Variants in GGA2 observed in about 807,000 individuals in gnomAD.
GGA2 encodes the protein golgi associated, gamma adaptin ear containing, ARF binding protein 2.
In GGA2, 48 loss-of-function variants were observed where a neutral mutation model predicts 79.5. That is an observed-to-expected ratio of 0.60 (90% CI 0.48 to 0.77). GGA2 has a LOEUF of 0.77. GGA2 is among the 30% of genes least tolerant of loss of function. The pLI is 0.00. For missense variants in GGA2, 770 were observed against 774.0 expected (o/e 0.99, Z 0.06); for synonymous variants, 317 against 302.0 (o/e 1.05, Z -0.51).
intron 1 of GGA2, among the ~76,000 whole-genome samples, chr16:23,504,667 T>C (rs1964955403): frequency 6.6e-6 from 1 of 152,178 alleles, no homozygotes; most frequent in East Asian, 1.9e-4. Context: ...TTGACACCAA[T>C]CTGCTCCAAG....
chr16:23,480,494 G>A, intron 10 of GGA2, 151 bp downstream of exon 10: 1 of 646,088 alleles, frequency 1.5e-6, no homozygotes, highest in Non-Finnish European at 2.6e-6. Flanking sequence ...GGCTGGGTGT[G>A]GCAACATATC....
Position 23,476,986 on chromosome 16 carries a change from C to T in GGA2, c.1292+1382G>A, listed in dbSNP as rs1327618777. 2.6e-5 allele frequency among the ~76,000 whole-genome samples: 4 copies of T among 152,208 alleles called. No homozygotes were observed. The South Asian group carries it at 8.3e-4, about 32-fold the overall frequency. On this transcript the variant is annotated intron_variant, in intron 13 of 16. Coordinates refer to ENST00000309859, the MANE Select transcript of GGA2 (RefSeq NM_015044.4). ...ACTTTTTTTGAGACAGGGTCTCACTCTGCTGCCCAGGCTGGAATGCAGTGG... is the reference window on the plus strand; with the variant it reads ...ACTTTTTTTGAGACAGGGTCTCACTTTGCTGCCCAGGCTGGAATGCAGTGG...
rs1371269472 is a variant in GGA2, at chr16:23,488,599, T to C, written c.579+7A>G. ...TGATCAGACACCATGTAGGTCTGTTTCCTTACCTTGGACTTTTCTTCATCA... is the reference window on the plus strand; with the variant it reads ...TGATCAGACACCATGTAGGTCTGTTCCCTTACCTTGGACTTTTCTTCATCA... On this transcript the variant is annotated splice_region_variant and intron_variant, in intron 6 of 16. Transcript: ENST00000309859. 1 of 1,519,282 alleles carries C rather than the reference T, an allele frequency of 6.6e-7. No individual in the cohort carries two copies. The highest frequency in any genetic ancestry group is 2.2e-5 in the East Asian group (1 of 44,450). 94.1% of individuals were successfully genotyped at this position (1,519,282 alleles called of 1,614,324 possible). A position where few individuals can be genotyped will look rare whatever the true frequency, so the allele number is the denominator to read the frequency against.
At chr16:23,491,166 G>A (rs1276371324) in intron 5 of GGA2, among the ~76,000 whole-genome samples, 1 of 151,876 alleles carries the variant, frequency 6.6e-6, no homozygotes, top group Admixed American at 6.6e-5. Context: ...AATTAGTTGG[G>A]TATGGTGGCA....
chr16:23,492,336 C>G (rs1467227370), intron 4 of GGA2, among the ~76,000 whole-genome samples: 5 of 152,308 alleles, frequency 3.3e-5, no homozygotes, highest in East Asian at 3.9e-4. Flanking sequence ...CACATCCCCC[C>G]ACCTGTGGAG....
chr16:23,483,663 T>C (rs1183664159), intron 8 of GGA2, among the ~76,000 whole-genome samples: 1 of 151,994 alleles, frequency 6.6e-6, no homozygotes, highest in Non-Finnish European at 1.5e-5. Context: ...GGTTTTTTTT[T>C]GAGACAGAGT....
At chr16:23,500,142 T>C (rs1429182086) in intron 1 of GGA2, among the ~76,000 whole-genome samples, 2 of 152,218 alleles carry the variant, frequency 1.3e-5, no homozygotes, top group East Asian at 1.9e-4. Context: ...AAGGGACCCT[T>C]GTAGACAAGG....
At chr16:23,478,733 T>C (rs912553487) in intron 12 of GGA2, 150 bp downstream of exon 12, 2 of 747,656 alleles carry the variant, frequency 2.7e-6, no homozygotes, top group African/African-American at 1.7e-5. Flanking sequence ...CCAGACAGTA[T>C]GGGTGAGGAA....
chr16:23,516,862 G>C (rs1965106331), intron 2 of GGA2, among the ~76,000 whole-genome samples: 1 of 152,136 alleles, frequency 6.6e-6, no homozygotes. Context: ...GACAGCCATA[G>C]AAAGCCACCC....
In GGA2 at chr16:23,486,777, A is replaced by T. The variant is rs1964719026; in HGVS notation, c.593T>A (p.Leu198His). 6.2e-7 allele frequency: 1 copy of T among 1,607,328 alleles called. No homozygotes were observed. The highest frequency in any genetic ancestry group is 1.7e-5 in the Admixed American group (1 of 59,986). The change falls in exon 7 of 17, where the codon CTT becomes CAT. Residue 198 changes from leucine (L) to histidine (H), a missense_variant. By Grantham distance (99) the Leu-to-His change is moderately conservative. Transcript: ENST00000309859. ...DEEKSKLLTR[L>H]LKSNHPEDLQ... is the part of the protein sequence containing the mutation. ...GTCCTCGGGGTGGTTGCTCTTTAGA[A>T]GCCTTGTCAGAAGCTGCAGAGAGTG...
rs1045600391 is a variant in GGA2, at chr16:23,467,335, G to A, written c.*255C>T. ...AGATGATGATGATGAGAAATGCTTC[G>A]CATTTCCCACACTGCCGATATCCCA... is the stretch of plus-strand genomic sequence containing the variant. On this transcript the variant is annotated 3_prime_UTR_variant, in exon 17 of 17. Transcript: ENST00000309859. 2.6e-5 allele frequency: 11 copies of A among 426,626 alleles called. No individual in the cohort carries two copies. Among genetic ancestry groups the A allele is most frequent in the Middle Eastern group, 1.2e-3 (2 of 1,614 alleles). The allele number at this position is 426,626 out of a possible 1,614,324, so 26.4% of individuals were successfully genotyped here.
Position 23,470,177 on chromosome 16 carries a change from G to A in GGA2, c.1451-12C>T. On this transcript the variant is annotated splice_polypyrimidine_tract_variant and intron_variant, in intron 14 of 16. Coordinates refer to ENST00000309859, the MANE Select transcript of GGA2 (RefSeq NM_015044.4). ...AGGCGGCAGGCTGCCTGGTATAAAG[G>A]GCACAAGCAGAAGGTTTAACACCAC... 1 of 1,577,052 alleles carries A rather than the reference G, an allele frequency of 6.3e-7. No individual in the cohort carries two copies. The highest frequency in any genetic ancestry group is 8.6e-7 in the Non-Finnish European group (1 of 1,162,284).
At chr16:23,471,872 G>A (rs760154612) in intron 14 of GGA2, among the ~76,000 whole-genome samples, 1 of 152,158 alleles carries the variant, frequency 6.6e-6, no homozygotes, top group East Asian at 1.9e-4. Context: ...CTGTGCCACC[G>A]CACTCCTGCC....
rs201102052 is a variant in GGA2 at position 23,486,051 on chromosome 16, C to G, written c.762G>C (p.Arg254Ser). Residue 254 changes from arginine (R) to serine (S), a missense_variant, in exon 8 of 17, where the codon AGG becomes AGC. Coordinates refer to ENST00000309859, the MANE Select transcript of GGA2 (RefSeq NM_015044.4). Reference sequence around the variant, plus strand: ...CCTGGTCGGGCGGGGCCTGCCCTGGCCTGCGGTACATGCTCAGCATCTCCT... The same window carrying G: ...CCTGGTCGGGCGGGGCCTGCCCTGGGCTGCGGTACATGCTCAGCATCTCCT... ...VLQEMLSMYRRPGQAPPDQEA... is the reference protein window; with the variant it reads ...VLQEMLSMYRSPGQAPPDQEA... 109 of 1,614,166 alleles carry G rather than the reference C, an allele frequency of 6.8e-5. No homozygotes were observed. The Middle Eastern group carries it at 1.3e-3, about 20-fold the overall frequency.
chr16:23,474,324 G>A (rs966229688), intron 14 of GGA2, among the ~76,000 whole-genome samples: 1 of 152,000 alleles, frequency 6.6e-6, no homozygotes, highest in African/African-American at 2.4e-5. Context: ...CAATACTAAG[G>A]AAGGCTAAGA....
At chr16:23,498,524 T>C (rs1964883570) in intron 1 of GGA2, among the ~76,000 whole-genome samples, 1 of 152,154 alleles carries the variant, frequency 6.6e-6, no homozygotes, top group South Asian at 2.1e-4. Context: ...ACCCAGGACT[T>C]CGTGACAAGC....
intron 14 of GGA2, among the ~76,000 whole-genome samples, chr16:23,471,857 T>C (rs567308444): frequency 1.3e-5 from 2 of 152,172 alleles, no homozygotes; most frequent in African/African-American, 4.8e-5. Context: ...TGCAGTGAGC[T>C]ATGACTGTGC....
At chr16:23,500,655 C>G (rs1378775287) in intron 1 of GGA2, among the ~76,000 whole-genome samples, 1 of 152,272 alleles carries the variant, frequency 6.6e-6, no homozygotes, top group Non-Finnish European at 1.5e-5. Flanking sequence ...CCAATGCCAG[C>G]CCCAAGCAAA....
intron 6 of GGA2, among the ~76,000 whole-genome samples, chr16:23,487,307 G>A (rs1175051455): frequency 1.3e-5 from 2 of 152,126 alleles, no homozygotes; most frequent in Non-Finnish European, 2.9e-5. Flanking sequence ...GGGGTAGGGG[G>A]ATGTGGGGGT....
Sources: allele counts gnomAD v4.1 joint callset (sites outside exome capture counted in the v4.1 genomes callset), GRCh38; gene constraint gnomAD v4.1.1; transcripts MANE v1.5; gene names NCBI Gene and HGNC (gene_info 2026-07-23, HGNC 2026-07-21).